Variants in HAGH observed in about 807,000 individuals in gnomAD.
HAGH encodes hydroxyacylglutathione hydrolase, mitochondrial.
A neutral mutation model predicts 35.1 loss-of-function variants in HAGH; 29 were observed. The ratio of observed to expected loss-of-function variants is 0.83; its 90% CI spans 0.62 to 1.13. The LOEUF is 1.13. Ranked by LOEUF, HAGH falls within the 50% of genes most tolerant of loss-of-function variation. The probability of loss-of-function intolerance (pLI) is 0.00; values close to 1 mark genes in which losing one functional copy is unlikely to be tolerated. For missense variants in HAGH, 478 were observed against 419.6 expected (o/e 1.14, Z -1.22); for synonymous variants, 225 against 176.1 (o/e 1.28, Z -2.20).
intron 7 of HAGH, 54 bp from the exon 8 acceptor site, chr16:1,809,887 G>C (rs1897561494): frequency 9.1e-6 from 12 of 1,324,096 alleles, no homozygotes; most frequent in Non-Finnish European, 1.3e-5. Flanking sequence ...TGGCAGACCA[G>C]GCACGGAGGC....
intron 2 of HAGH, 56 bp downstream of exon 2, chr16:1,822,809 T>G: frequency 1.4e-6 from 2 of 1,471,014 alleles, no homozygotes; most frequent in South Asian, 1.1e-5. Context: ...CCATCGGGGG[T>G]GAGGACTCCG....
rs932513149 is a variant in HAGH at position 1,822,214 on chromosome 16, G to A, written c.314+86C>T. The A allele has an allele frequency of 4.9e-6, 4 of 819,498 alleles. No individual in the cohort carries two copies. In the African/African-American group the frequency reaches 6.7e-5, roughly 14 times the overall value. 50.8% of individuals were successfully genotyped at this position (819,498 alleles called of 1,614,324 possible). A position where few individuals can be genotyped will look rare whatever the true frequency, so the allele number is the denominator to read the frequency against. ...TCCTCACAAAGCAGACAGAGCCGTGGGGGGAGACAGGCCTTGATGTCCCTA... is the reference window on the plus strand; with the variant it reads ...TCCTCACAAAGCAGACAGAGCCGTGAGGGGAGACAGGCCTTGATGTCCCTA... On this transcript the variant is annotated intron_variant, in intron 3 of 8. Coordinates refer to ENST00000397356, the MANE Select transcript of HAGH (RefSeq NM_005326.6).
Position 1,822,338 on chromosome 16 carries a change from C to T in HAGH, c.276G>A (p.Gly92=). 2 of 1,611,962 alleles carry T rather than the reference C, an allele frequency of 1.2e-6. No individual in the cohort carries two copies. The highest frequency in any genetic ancestry group is 2.7e-5 in the African/African-American group (2 of 75,026). ...QKVVDAARKH[G]VKLTTVLTTH... ...TGGTGAGCACTGTGGTCAGTTTCAC[C>T]CCGTGCTTTCTCGCCGCGTCCACGA... The change falls in exon 3 of 9, where the codon GGG becomes GGA. Residue 92 remains glycine, a synonymous_variant. Coordinates refer to ENST00000397356, the MANE Select transcript of HAGH (RefSeq NM_005326.6).
intron 3 of HAGH, 58 bp downstream of exon 3, chr16:1,822,242 C>T: frequency 8.6e-7 from 1 of 1,162,936 alleles, no homozygotes; most frequent in Non-Finnish European, 1.3e-6. Flanking sequence ...TGTCCCTAAA[C>T]CCACCGGGGC....
At chr16:1,824,633 G>A (rs772652783) in intron 1 of HAGH, among the ~76,000 whole-genome samples, 1 of 152,196 alleles carries the variant, frequency 6.6e-6, no homozygotes, top group South Asian at 2.1e-4. Context: ...AAGGGATCCA[G>A]AAATGGGCAG....
rs200251567 is a variant in HAGH at position 1,809,859 on chromosome 16, C to T, written c.748-26G>A. On this transcript the variant is annotated intron_variant, in intron 7 of 8. Coordinates refer to ENST00000397356, the MANE Select transcript of HAGH (RefSeq NM_005326.6). ...CTGCAAGAGAAACGCACCACTTTAT[C>T]ACGGGAACTTCACAGGATGGCAGAC... The T allele has an allele frequency of 9.7e-5, 152 of 1,569,654 alleles. No individual in the cohort carries two copies. In the African/African-American group the frequency reaches 1.8e-3, roughly 19 times the overall value.
intron 8 of HAGH, 54 bp downstream of exon 8, chr16:1,809,700 A>T: frequency 1.6e-6 from 2 of 1,226,548 alleles, no homozygotes; most frequent in Non-Finnish European, 2.4e-6. Flanking sequence ...TGTGTGCAGC[A>T]GTGGGACTGC....
intron 7 of HAGH, among the ~76,000 whole-genome samples, chr16:1,815,745 GAC>G (rs1373389647): frequency 6.6e-6 from 1 of 152,130 alleles, no homozygotes; most frequent in African/African-American, 2.4e-5. Context: ...CGGGCCAGGT[GAC>G]GTGGCTCACG....
At chr16:1,816,645 T>C (rs1897905730) in intron 7 of HAGH, among the ~76,000 whole-genome samples, 1 of 152,238 alleles carries the variant, frequency 6.6e-6, no homozygotes, top group Non-Finnish European at 1.5e-5. Context: ...CTGCTCAGAA[T>C]GTGGGAACAG....
intron 7 of HAGH, 139 bp downstream of exon 7, chr16:1,816,754 G>C (rs1897910096): frequency 3.1e-6 from 2 of 649,352 alleles, no homozygotes; most frequent in Admixed American, 4.5e-5. Context: ...TGCAGGGCGA[G>C]CTGGGCCACA....
chr16:1,814,824 G>A (rs1456739690), intron 7 of HAGH, among the ~76,000 whole-genome samples: 1 of 151,890 alleles, frequency 6.6e-6, no homozygotes, highest in Non-Finnish European at 1.5e-5. Context: ...CTTGAACCCG[G>A]GAGGCAGAGC....
At chr16:1,818,178 A>T (rs1897991755) in intron 5 of HAGH, among the ~76,000 whole-genome samples, 1 of 152,116 alleles carries the variant, frequency 6.6e-6, no homozygotes, top group African/African-American at 2.4e-5. Context: ...TCCTTGCGCC[A>T]GGCACACAGC....
chr16:1,826,631 G>T (rs1596949193), intron 1 of HAGH, 81 bp downstream of exon 1: 1 of 969,982 alleles, frequency 1.0e-6, no homozygotes, highest in Non-Finnish European at 1.2e-6. Flanking sequence ...GTCAGCGGTC[G>T]CCAAACGACG....
Position 1,819,307 on chromosome 16 carries a change from A to T in HAGH, c.433-84T>A, listed in dbSNP as rs1898043335. The T allele has an allele frequency of 6.2e-6, 5 of 801,184 alleles. No individual in the cohort carries two copies. The Admixed American group carries it at 7.1e-5, about 11-fold the overall frequency. The allele number at this position is 801,184 out of a possible 1,614,324, so 49.6% of individuals were successfully genotyped here. On this transcript the variant is annotated intron_variant, in intron 4 of 8. Coordinates refer to ENST00000397356, the MANE Select transcript of HAGH (RefSeq NM_005326.6). ...GGTCACGGCGCGCCGCCTGGGCCCT[A>T]CTGGGCCTCCTCAGCTCTGAGGGAA...
chr16:1,814,910 A>G (rs959343542), intron 7 of HAGH, among the ~76,000 whole-genome samples: 1 of 137,674 alleles, frequency 7.3e-6, no homozygotes, highest in African/African-American at 2.7e-5. Context: ...AAAACAAACA[A>G]ATAAATATAT....
At chr16:1,824,316 G>A (rs1898298334) in intron 1 of HAGH, among the ~76,000 whole-genome samples, 2 of 138,970 alleles carry the variant, frequency 1.4e-5, no homozygotes, top group Non-Finnish European at 1.6e-5. Flanking sequence ...CGGAAAGTTG[G>A]CCACAACTGC....
intron 1 of HAGH, among the ~76,000 whole-genome samples, chr16:1,823,412 C>T (rs1335023421): frequency 2.6e-5 from 4 of 151,972 alleles, no homozygotes; most frequent in Middle Eastern, 6.8e-3. Context: ...GGACTACAGA[C>T]GCCCGCCACC....
At position 1,820,924 on chromosome 16, in the gene HAGH, G is replaced by A. The variant is rs138303767; in HGVS notation, c.315-910C>T. 9.8e-5 allele frequency among the ~76,000 whole-genome samples: 15 copies of A among 152,312 alleles called. No individual in the cohort carries two copies. In the East Asian group the frequency reaches 2.5e-3, roughly 26 times the overall value. On this transcript the variant is annotated intron_variant, in intron 3 of 8. Coordinates refer to ENST00000397356, the MANE Select transcript of HAGH (RefSeq NM_005326.6). The stretch of plus-strand genomic sequence containing the variant: ...GGCCTGGCTTAGGACTTCACGTGTC[G>A]GCATGAATGTTAGAGGGGCCGGGGA...
In HAGH at chr16:1,809,010, TG is replaced by T; in HGVS notation, c.*272del. On this transcript the variant is annotated 3_prime_UTR_variant, in exon 9 of 9. Coordinates refer to ENST00000397356, the MANE Select transcript of HAGH (RefSeq NM_005326.6). Reference sequence around the variant, plus strand: ...GCTCACGCCTGACCTGAAGCGTGGGTGGGGGGACTGCAGTGGCTCACGGAGG... The same window carrying T: ...GCTCACGCCTGACCTGAAGCGTGGGTGGGGGACTGCAGTGGCTCACGGAGG... The T allele has an allele frequency of 9.0e-6, 4 of 446,296 alleles. No homozygotes were observed. The highest frequency in any genetic ancestry group is 1.6e-5 in the Non-Finnish European group (4 of 247,886). The allele number at this position is 446,296 out of a possible 1,614,324, so 27.6% of individuals were successfully genotyped here. A position where few individuals can be genotyped will look rare whatever the true frequency, so the allele number is the denominator to read the frequency against.
Sources: allele counts gnomAD v4.1 joint callset (sites outside exome capture counted in the v4.1 genomes callset), GRCh38; gene constraint gnomAD v4.1.1; transcripts MANE v1.5; gene names NCBI Gene and HGNC (gene_info 2026-07-23, HGNC 2026-07-21).